The following PLEKHG1 variants were observed in gnomAD, a reference collection of about 807,000 sequenced individuals.
PLEKHG1 encodes the protein pleckstrin homology and RhoGEF domain containing G1.
A neutral mutation model predicts 100.8 loss-of-function variants in PLEKHG1; 44 were observed. That is an observed-to-expected ratio of 0.44 (90% CI 0.34 to 0.56). The LOEUF (loss-of-function observed/expected upper bound fraction) is 0.56. Among genes scored for constraint, PLEKHG1 ranks in the 20% least tolerant of loss-of-function variants. PLEKHG1 has a pLI of 0.01. For missense variants in PLEKHG1, 1,545 were observed against 1,720.9 expected, an observed-to-expected ratio of 0.90 and a Z score of 1.81; for synonymous variants, 640 against 662.5, an observed-to-expected ratio of 0.97 and a Z score of 0.52.
intron 3 of PLEKHG1, among the ~76,000 whole-genome samples, chr6:150,715,633 A>T (rs1781400060): frequency 6.6e-6 from 1 of 150,952 alleles, no homozygotes; most frequent in African/African-American, 2.4e-5. Context: ...GATTACAGGC[A>T]TGCGCCACCA....
intron 2 of PLEKHG1, among the ~76,000 whole-genome samples, chr6:150,764,685 G>T (rs1458042663): frequency 1.3e-5 from 2 of 151,980 alleles, no homozygotes; most frequent in African/African-American, 2.4e-5. Flanking sequence ...CTGTGCCTTT[G>T]TTTACCCATT....
chr6:150,688,193 C>T (rs1780208482), intron 3 of PLEKHG1, among the ~76,000 whole-genome samples: 1 of 152,196 alleles, frequency 6.6e-6, no homozygotes, highest in Non-Finnish European at 1.5e-5. Flanking sequence ...CTTTGCTTCT[C>T]AGATGAGAAA....
chr6:150,750,071 C>CAAAAAAAAAAAA (rs1303835261), intron 2 of PLEKHG1, among the ~76,000 whole-genome samples: 2 of 129,908 alleles, frequency 1.5e-5, no homozygotes, highest in African/African-American at 6.2e-5. Flanking sequence ...GACTCTGTCT[C>CAAAAAAAAAAAA]AAAAAAAAAA....
chr6:150,650,888 CTG>C (rs1399788300), intron 3 of PLEKHG1, 102 bp downstream of exon 2: 1 of 152,140 alleles, frequency 6.6e-6, no homozygotes, highest in Non-Finnish European at 1.5e-5. Flanking sequence ...TAAGTGTACT[CTG>C]TAAGTCACAT....
At chr6:150,785,676 T>G (rs1243351194) in intron 3 of PLEKHG1, among the ~76,000 whole-genome samples, 1 of 152,122 alleles carries the variant, frequency 6.6e-6, no homozygotes, top group Admixed American at 6.6e-5. Context: ...TCCAATGGAT[T>G]GGAAGCTCCA....
chr6:150,702,557 G>T (rs369681411), intron 3 of PLEKHG1, among the ~76,000 whole-genome samples: 2 of 142,916 alleles, frequency 1.4e-5, no homozygotes, highest in African/African-American at 5.3e-5. Flanking sequence ...TTTGTTTTGG[G>T]GTGTGTGTGT....
At chr6:150,671,475 T>C (rs1779579420) in intron 3 of PLEKHG1, among the ~76,000 whole-genome samples, 1 of 152,192 alleles carries the variant, frequency 6.6e-6, no homozygotes, top group Non-Finnish European at 1.5e-5. Flanking sequence ...AAGGAACCAG[T>C]GCCCCAGACT....
intron 2 of PLEKHG1, among the ~76,000 whole-genome samples, chr6:150,734,524 G>A (rs991380274): frequency 1.1e-4 from 16 of 152,134 alleles, no homozygotes; most frequent in Admixed American, 9.2e-4. Context: ...CTACTGAGAC[G>A]TGAATCTCAT....
intron 2 of PLEKHG1, among the ~76,000 whole-genome samples, chr6:150,752,495 C>T (rs1000177060): frequency 6.6e-6 from 1 of 152,200 alleles, no homozygotes; most frequent in Admixed American, 6.5e-5. Context: ...TTCTGTCTCT[C>T]TGAATTTGCC....
chr6:150,698,839 A>G (rs886434450), intron 3 of PLEKHG1, among the ~76,000 whole-genome samples: 1 of 152,242 alleles, frequency 6.6e-6, no homozygotes, highest in Non-Finnish European at 1.5e-5. Flanking sequence ...AAATGATTCA[A>G]AAACAGGTTG....
intron 3 of PLEKHG1, among the ~76,000 whole-genome samples, chr6:150,769,584 C>CAAAAAAAAAAA (rs5880898): frequency 9.3e-5 from 6 of 64,194 alleles, no homozygotes; most frequent in South Asian, 1.2e-3. Flanking sequence ...GACTCCATCT[C>CAAAAAAAAAAA]AAAAAAAAAA....
chr6:150,726,654 G>A (rs1781977297), intron 1 of PLEKHG1, among the ~76,000 whole-genome samples: 1 of 151,804 alleles, frequency 6.6e-6, no homozygotes, highest in Admixed American at 6.6e-5. Flanking sequence ...AAATTAACAG[G>A]GTAACAAGAT....
At chr6:150,833,749 G>C (rs572437193) in intron 15 of PLEKHG1, among the ~76,000 whole-genome samples, 1 of 152,166 alleles carries the variant, frequency 6.6e-6, no homozygotes, top group African/African-American at 2.4e-5. Context: ...TCCTGCCCCA[G>C]ATTTTCTAAC....
At chr6:150,841,205 A>G in exon 16 of PLEKHG1, 1 of 438,512 alleles carries the variant, frequency 2.3e-6, no homozygotes, top group South Asian at 2.2e-5. Flanking sequence ...TAGTGCCCAC[A>G]CCTTAAGAAA....
intron 1 of PLEKHG1, among the ~76,000 whole-genome samples, chr6:150,608,879 C>T (rs910651104): frequency 3.3e-5 from 5 of 152,086 alleles, no homozygotes; most frequent in African/African-American, 7.2e-5. Context: ...ACAGTAAAGA[C>T]GTTATGAGGT....
At chr6:150,759,337 T>C (rs965205274) in intron 2 of PLEKHG1, among the ~76,000 whole-genome samples, 3 of 152,162 alleles carry the variant, frequency 2.0e-5, no homozygotes, top group African/African-American at 7.2e-5. Context: ...TCTTGGCAGG[T>C]GGGAGGTGCC....
chr6:150,742,563 TCAAAA>T (rs1562480017), intron 2 of PLEKHG1, among the ~76,000 whole-genome samples: 1 of 28,014 alleles, frequency 3.6e-5, no homozygotes, highest in Non-Finnish European at 5.6e-5. Flanking sequence ...AGACTCCATC[TCAAAA>T]AAAAAAAAAA....
At chr6:150,780,197 A>T (rs1378314696) in intron 3 of PLEKHG1, among the ~76,000 whole-genome samples, 1 of 144,556 alleles carries the variant, frequency 6.9e-6, no homozygotes, top group Admixed American at 7.0e-5. Context: ...GTGCAGTGGC[A>T]TGATCTCAGC....
intron 3 of PLEKHG1, among the ~76,000 whole-genome samples, chr6:150,664,762 G>A (rs911789293): frequency 2.0e-5 from 3 of 152,096 alleles, no homozygotes; most frequent in African/African-American, 4.8e-5. Context: ...ACAAGAGCCC[G>A]CCCTGGGCCA....
Sources: allele counts gnomAD v4.1 joint callset (sites outside exome capture counted in the v4.1 genomes callset), GRCh38; gene constraint gnomAD v4.1.1; transcripts MANE v1.5; gene names NCBI Gene and HGNC (gene_info 2026-07-23, HGNC 2026-07-21).